KDM2B: variants seen among roughly 807,000 people sequenced by gnomAD.
The protein encoded by KDM2B is lysine-specific demethylase 2B.
A neutral mutation model predicts 150.0 loss-of-function variants in KDM2B; 26 were observed. The ratio of observed to expected loss-of-function variants is 0.17; its 90% CI spans 0.13 to 0.24. KDM2B has a LOEUF of 0.24. Among genes scored for constraint, KDM2B ranks in the 10% least tolerant of loss-of-function variants. The pLI, the probability that KDM2B is intolerant of heterozygous loss-of-function variation, is 1.00. For missense variants in KDM2B, 1,265 were observed against 1,816.9 expected (o/e 0.70, Z 5.52); for synonymous variants, 734 against 729.5 (o/e 1.01, Z -0.10).
chr12:121,467,343 G>A lies in KDM2B; in HGVS notation c.1735-13999C>T, dbSNP rs1225572940. 4.1e-6 allele frequency: 4 copies of A among 981,812 alleles called. No homozygotes were observed. Among genetic ancestry groups the A allele is most frequent in the Non-Finnish European group, 4.8e-6 (4 of 828,496 alleles). 60.8% of individuals were successfully genotyped at this position (981,812 alleles called of 1,614,324 possible). On this transcript the variant is annotated intron_variant, in intron 12 of 22. Coordinates refer to ENST00000377071, the MANE Select transcript of KDM2B (RefSeq NM_032590.5). The surrounding 1 kb of genome is among the most constrained non-coding windows in gnomAD (Gnocchi z 5.1). Reference sequence around the variant, plus strand: ...GGGCTCGGGCTCCCGCTGCCGCGAGGAGGGAGCCGCGCCGCGCGCCTCGCA... The same window carrying A: ...GGGCTCGGGCTCCCGCTGCCGCGAGAAGGGAGCCGCGCCGCGCGCCTCGCA...
At chr12:121,534,981 C>T (rs562697181) in intron 6 of KDM2B, among the ~76,000 whole-genome samples, 1 of 152,108 alleles carries the variant, frequency 6.6e-6, no homozygotes, top group African/African-American at 2.4e-5. Flanking sequence ...CTGCAGTTCT[C>T]CCAAGCTGCC....
At chr12:121,419,516 G>GTA in the KDM2B span, among the ~76,000 whole-genome samples, 5 of 152,160 alleles carry the variant, frequency 3.3e-5, no homozygotes, top group Admixed American at 6.6e-5. Flanking sequence ...CCCCTTTTGG[G>GTA]TATACACCAC....
intron 6 of KDM2B, among the ~76,000 whole-genome samples, chr12:121,546,379 C>CTTTTTTTTTTTTTTTT (rs371614406): frequency 1.7e-4 from 17 of 97,480 alleles, no homozygotes; most frequent in East Asian, 6.9e-4. Flanking sequence ...TTTTTTTTGC[C>CTTTTTTTTTTTTTTTT]TTTTTTTTTT....
At chr12:121,568,803 T>C (rs970928575) in intron 4 of KDM2B, among the ~76,000 whole-genome samples, 4 of 150,752 alleles carry the variant, frequency 2.7e-5, no homozygotes, top group African/African-American at 9.8e-5. Flanking sequence ...ATGTATATTA[T>C]ACTTCAATGA....
chr12:121,567,300 C>A (rs1029920785), intron 4 of KDM2B, among the ~76,000 whole-genome samples: 9 of 152,194 alleles, frequency 5.9e-5, no homozygotes, highest in Non-Finnish European at 1.3e-4. Flanking sequence ...GAAGTCCTCA[C>A]CCCCAGCACC....
intron 12 of KDM2B, among the ~76,000 whole-genome samples, chr12:121,460,981 G>A (rs533397363): frequency 2.0e-5 from 3 of 152,196 alleles, no homozygotes; most frequent in East Asian, 1.9e-4. Flanking sequence ...TCATCCGCCC[G>A]ATGTCATACT....
intron 11 of KDM2B, among the ~76,000 whole-genome samples, chr12:121,497,779 C>T (rs1407839366): frequency 6.6e-6 from 1 of 151,740 alleles, no homozygotes; most frequent in Non-Finnish European, 1.5e-5. Flanking sequence ...TGGGTGGGAT[C>T]CTAGAACAGA....
At chr12:121,559,710 G>A (rs1318411967) in intron 4 of KDM2B, among the ~76,000 whole-genome samples, 1 of 152,094 alleles carries the variant, frequency 6.6e-6, no homozygotes, top group Non-Finnish European at 1.5e-5. Flanking sequence ...AGACCAGCCT[G>A]ACCAACATGG....
At chr12:121,458,003 C>T (rs533996569) in intron 12 of KDM2B, among the ~76,000 whole-genome samples, 2 of 152,210 alleles carry the variant, frequency 1.3e-5, no homozygotes, top group East Asian at 3.9e-4. Context: ...GAAAGACATC[C>T]GTGTTCATGA....
At chr12:121,451,425 A>G (rs1877261019) in intron 13 of KDM2B, among the ~76,000 whole-genome samples, 1 of 152,216 alleles carries the variant, frequency 6.6e-6, no homozygotes, top group Non-Finnish European at 1.5e-5. Flanking sequence ...GTCAAAAGTT[A>G]CATGCAGATT....
At chr12:121,577,932 T>A (rs1891619072) in intron 2 of KDM2B, among the ~76,000 whole-genome samples, 1 of 151,900 alleles carries the variant, frequency 6.6e-6, no homozygotes, top group Non-Finnish European at 1.5e-5. Context: ...CCCACCACCC[T>A]CCTAGTAGGA....
intron 12 of KDM2B, among the ~76,000 whole-genome samples, chr12:121,462,189 A>G (rs2139229482): frequency 6.6e-6 from 1 of 152,322 alleles, no homozygotes; most frequent in East Asian, 1.9e-4. Flanking sequence ...TTATCTCAGT[A>G]TTATTCCTGT....
chr12:121,482,504 G>A (rs1023193259), intron 12 of KDM2B, among the ~76,000 whole-genome samples: 4 of 151,998 alleles, frequency 2.6e-5, no homozygotes, highest in African/African-American at 7.2e-5. Context: ...GTTTCACCAT[G>A]TTGTCCAGGA....
At chr12:121,424,710 CAAAAAAAAA>C (rs112812260), downstream of KDM2B, among the ~76,000 whole-genome samples, 4,953 of 116,532 alleles carry the variant, frequency 0.043, 276 homozygotes, top group African/African-American at 0.14. Flanking sequence ...GACCTTGTCT[CAAAAAAAAA>C]AAAAAAGAAA....
intron 6 of KDM2B, among the ~76,000 whole-genome samples, chr12:121,540,583 T>C (rs1257158987): frequency 1.3e-5 from 2 of 151,154 alleles, no homozygotes; most frequent in Admixed American, 1.3e-4. Context: ...ACTCTGTCTC[T>C]ACTGAAAAAA....
chr12:121,451,491 T>C (rs61955138), intron 13 of KDM2B, among the ~76,000 whole-genome samples: 48,085 of 152,036 alleles, frequency 0.32, 9,116 homozygotes, highest in East Asian at 0.44. Flanking sequence ...CAAGGGTCAA[T>C]TGTATATCCA....
rs1555295074 is a variant in KDM2B at position 121,467,325 on chromosome 12, G to A, written c.1735-13981C>T. On this transcript the variant is annotated intron_variant, in intron 12 of 22. Coordinates refer to ENST00000377071, the MANE Select transcript of KDM2B (RefSeq NM_032590.5). This position sits in a 1 kb window ranked among gnomAD's most constrained non-coding sequence, Gnocchi z 5.1. ...TGGCTCGGGCTCGGGCTCGGGCTCG[G>A]GCTCCCGCTGCCGCGAGGAGGGAGC... 2 of 982,484 alleles carry A rather than the reference G, an allele frequency of 2.0e-6. No homozygotes were observed. Among genetic ancestry groups the A allele is most frequent in the East Asian group, 2.3e-4 (2 of 8,672 alleles). 60.9% of individuals were successfully genotyped at this position (982,484 alleles called of 1,614,324 possible). A position where few individuals can be genotyped will look rare whatever the true frequency, so the allele number is the denominator to read the frequency against.
chr12:121,433,596 A>G (rs530333114), intron 22 of KDM2B, among the ~76,000 whole-genome samples: 1 of 152,374 alleles, frequency 6.6e-6, no homozygotes, highest in South Asian at 2.1e-4. Context: ...TAAATTAGAC[A>G]TAAATAAATG....
chr12:121,466,191 C>G (rs1009955307), intron 12 of KDM2B, among the ~76,000 whole-genome samples: 1 of 152,082 alleles, frequency 6.6e-6, no homozygotes, highest in African/African-American at 2.4e-5. Flanking sequence ...ACCTTTATCC[C>G]ACCAGGATTA....
Sources: allele counts gnomAD v4.1 joint callset (sites outside exome capture counted in the v4.1 genomes callset), GRCh38; gene constraint gnomAD v4.1.1; non-coding constraint Gnocchi (gnomAD v3.1); transcripts MANE v1.5; gene names NCBI Gene and HGNC (gene_info 2026-07-23, HGNC 2026-07-21).